The following KRT78 variants were observed in gnomAD, a reference collection of about 807,000 sequenced individuals.
KRT78 encodes keratin, type II cytoskeletal 78.
Under a neutral mutation model 51.4 loss-of-function variants are expected in KRT78, and 55 were observed. That is an observed-to-expected ratio of 1.07 (90% CI 0.86 to 1.34). The LOEUF is 1.34. Ranked by LOEUF, KRT78 falls within the 40% of genes most tolerant of loss-of-function variation. The probability of loss-of-function intolerance (pLI) is 0.00; values close to 1 mark genes in which losing one functional copy is unlikely to be tolerated. For missense variants in KRT78, 652 were observed against 649.4 expected (o/e 1.00, Z -0.04); for synonymous variants, 291 against 264.3 (o/e 1.10, Z -0.98).
At chr12:52,847,460 G>A (rs991732458) in intron 2 of KRT78, among the ~76,000 whole-genome samples, 2 of 152,208 alleles carry the variant, frequency 1.3e-5, no homozygotes, top group Non-Finnish European at 2.9e-5. Context: ...CAGCCCATCT[G>A]TGAATTGTGT....
rs538103029 is a variant in KRT78 at position 52,846,061 on chromosome 12, G to T, written c.756+136C>A. The stretch of plus-strand genomic sequence containing the variant: ...CATAGTAAGTTTTCAGTAATTGGTT[G>T]TCAAGTGACTGAATGACCCAGAATC... On this transcript the variant is annotated intron_variant, in intron 4 of 8. Coordinates refer to ENST00000304620, the MANE Select transcript of KRT78 (RefSeq NM_173352.4). The T allele has an allele frequency of 1.1e-5, 7 of 624,360 alleles. No homozygotes were observed. The South Asian group carries it at 1.2e-4, about 10-fold the overall frequency. 38.7% of individuals were successfully genotyped at this position (624,360 alleles called of 1,614,324 possible).
chr12:52,840,827 C>T (rs73305847), intron 6 of KRT78, among the ~76,000 whole-genome samples: 63 of 152,252 alleles, frequency 4.1e-4, no homozygotes, highest in Admixed American at 4.1e-3. Flanking sequence ...TCTCGCTGCA[C>T]CTTCAGAGGG....
chr12:52,842,779 G>A (rs1486801568), intron 6 of KRT78, among the ~76,000 whole-genome samples: 2 of 151,022 alleles, frequency 1.3e-5, no homozygotes, highest in South Asian at 2.1e-4. Flanking sequence ...TTAGCCGGGT[G>A]TGGTGGCAGG....
At chr12:52,842,959 G>GAGAAAGGAAGGAAGGAAGGA (rs1299063277) in intron 6 of KRT78, among the ~76,000 whole-genome samples, 13 of 53,718 alleles carry the variant, frequency 2.4e-4, no homozygotes, top group African/African-American at 1.3e-3. Context: ...GAGAGAGAGA[G>GAGAAAGGAAGGAAGGAAGGA]AGGAAGGAAG....
intron 6 of KRT78, among the ~76,000 whole-genome samples, chr12:52,841,445 C>CCA (rs1230152783): frequency 1.3e-5 from 2 of 151,378 alleles, no homozygotes; most frequent in African/African-American, 2.4e-5. Context: ...CGAGATCGCG[C>CCA]CACTGCATTC....
intron 5 of KRT78, 22 bp from the exon 6 acceptor site, chr12:52,844,240 C>A: frequency 6.3e-7 from 1 of 1,575,400 alleles, no homozygotes; most frequent in Non-Finnish European, 8.6e-7. Context: ...ACAGAGGGGA[C>A]ACCATTAGTT....
chr12:52,839,733 A>G (rs111548263), intron 7 of KRT78, 31 bp downstream of exon 7: 3 of 1,596,888 alleles, frequency 1.9e-6, no homozygotes, highest in South Asian at 1.1e-5. Flanking sequence ...CCCCAAACTC[A>G]TATTCCCAGG....
At chr12:52,846,653 G>T in intron 3 of KRT78, 111 bp downstream of exon 3, 1 of 995,256 alleles carries the variant, frequency 1.0e-6, no homozygotes, top group Non-Finnish European at 1.6e-6. Flanking sequence ...CAGGTAGAGT[G>T]ATAGCCTGTC....
At chr12:52,846,726 G>A (rs1344221860) in intron 3 of KRT78, 38 bp downstream of exon 3, 2 of 1,581,900 alleles carry the variant, frequency 1.3e-6, no homozygotes, top group Non-Finnish European at 1.7e-6. Context: ...CACAGTGGAT[G>A]CTCAGAACGT....
chr12:52,839,223 C>A lies in KRT78; in HGVS notation c.1453G>T (p.Asp485Tyr), dbSNP rs1480666818. The A allele has an allele frequency of 1.2e-6, 2 of 1,611,922 alleles. No homozygotes were observed. Among genetic ancestry groups the A allele is most frequent in the Admixed American group, 1.7e-5 (1 of 59,592 alleles). The change falls in exon 9 of 9, where the codon GAC becomes TAC. Residue 485 changes from aspartate (D) to tyrosine (Y), a missense_variant. Transcript: ENST00000304620. The part of the protein sequence containing the change: ...GSNIILGSGK[D>Y]PVLDSCSVSG... Reference sequence around the variant, plus strand: ...ACAGAGCAGGAATCCAAAACAGGGTCCTTCCCAGAGCCCAGAATGATGTTG... The same window carrying A: ...ACAGAGCAGGAATCCAAAACAGGGTACTTCCCAGAGCCCAGAATGATGTTG...
rs755318942 is a variant in KRT78, at chr12:52,839,842, T to C, written c.1190A>G (p.Gln397Arg). 3 of 1,614,070 alleles carry C rather than the reference T, an allele frequency of 1.9e-6. No individual in the cohort carries two copies. The highest frequency in any genetic ancestry group is 1.1e-5 in the South Asian group (1 of 91,078). The change falls in exon 7 of 9, where the codon CAG (glutamine) becomes CGG (arginine). Residue 397 changes from glutamine to arginine, a missense_variant. Coordinates refer to ENST00000304620, the MANE Select transcript of KRT78 (RefSeq NM_173352.4). ...QNLARLLCEY[Q>R]ELTSTKLSLD... The stretch of plus-strand genomic sequence containing the variant: ...GGAAAGCTTCGTGCTCGTCAGCTCC[T>C]GGTACTCGCACAGCAGCCGGGCCAG...
At chr12:52,848,397 A>G in intron 1 of KRT78, 150 bp downstream of exon 1, 1 of 1,382,280 alleles carries the variant, frequency 7.2e-7, no homozygotes, top group Non-Finnish European at 9.8e-7. Context: ...AGCCAGAGAG[A>G]GTCCAGTTAG....
chr12:52,838,981 T>G lies in KRT78; in HGVS notation c.*132A>C. Reference sequence around the variant, plus strand: ...ATTCAGAACAGCAGGAGGGGAGACTTTATTGATTTTTGCAGCATCCGCTGT... The same window carrying G: ...ATTCAGAACAGCAGGAGGGGAGACTGTATTGATTTTTGCAGCATCCGCTGT... On this transcript the variant is annotated 3_prime_UTR_variant, in exon 9 of 9. Coordinates refer to ENST00000304620, the MANE Select transcript of KRT78 (RefSeq NM_173352.4). The G allele has an allele frequency of 9.5e-7, 1 of 1,052,460 alleles. No individual in the cohort carries two copies. Among genetic ancestry groups the G allele is most frequent in the Non-Finnish European group, 1.4e-6 (1 of 735,976 alleles). The allele number at this position is 1,052,460 out of a possible 1,614,324, so 65.2% of individuals were successfully genotyped here.
At chr12:52,839,661 T>C in intron 7 of KRT78, 103 bp downstream of exon 7, 1 of 1,341,494 alleles carries the variant, frequency 7.5e-7, no homozygotes. Context: ...ACTCACAATG[T>C]CAGGAAATCT....
chr12:52,844,659 C>T lies in KRT78; in HGVS notation c.821G>A (p.Arg274His), dbSNP rs147260270. 146 of 1,613,986 alleles carry T rather than the reference C, an allele frequency of 9.0e-5. No individual in the cohort carries two copies. The highest frequency in any genetic ancestry group is 5.2e-4 in the South Asian group (47 of 91,072). Residue 274 changes from arginine (R) to histidine (H), a missense_variant, in exon 5 of 9, where the codon CGC (arginine) becomes CAC (histidine). Transcript: ENST00000304620. Reference sequence around the variant, plus strand: ...GATGATGCTGCTGAAGTCCAGGTAGCGGTTGTTGTCCATGGACAGCACCAC... The same window carrying T: ...GATGATGCTGCTGAAGTCCAGGTAGTGGTTGTTGTCCATGGACAGCACCAC... ...TSVVLSMDNN[R>H]YLDFSSIITE...
In KRT78 at chr12:52,848,139, G is replaced by T. The variant is rs1248209219; in HGVS notation, c.385-18C>A. The T allele has an allele frequency of 3.1e-6, 5 of 1,612,134 alleles. No individual in the cohort carries two copies. Among genetic ancestry groups the T allele is most frequent in the Non-Finnish European group, 3.4e-6 (4 of 1,178,884 alleles). ...AACCGCACCTGCAGCAAAAGCAGAG[G>T]ATCCCTGAGGCTCCTGTGGGACTCC... is the stretch of plus-strand genomic sequence containing the variant. On this transcript the variant is annotated intron_variant, in intron 1 of 8. Transcript: ENST00000304620.
chr12:52,848,651 TC>T lies in KRT78; in HGVS notation c.279del (p.Thr94ProfsTer3). The T allele has an allele frequency of 6.2e-7, 1 of 1,613,682 alleles. No individual in the cohort carries two copies. Among genetic ancestry groups the T allele is most frequent in the Non-Finnish European group, 8.5e-7 (1 of 1,179,896 alleles). ...IQEVTINQNLLTPLKIEIDPQ... is the reference protein window; with the variant it reads ...IQEVTINQNLXTPLKIEIDPQ... ...GGATCGATCTCAATCTTCAGTGGGG[TC>T]AGCAGATTCTGGTTGATGGTCACTT... On this transcript the variant is annotated frameshift_variant, in exon 1 of 9. Transcript: ENST00000304620. LOFTEE classifies it high-confidence loss of function.
chr12:52,843,001 G>A (rs1405642439), intron 6 of KRT78, among the ~76,000 whole-genome samples: 3 of 101,786 alleles, frequency 2.9e-5, no homozygotes, highest in Non-Finnish European at 6.0e-5. Context: ...AAGGAAGGAA[G>A]GAAGGAAGGA....
Position 52,848,251 on chromosome 12 carries a change from G to A in KRT78, c.385-130C>T, listed in dbSNP as rs867133083. On this transcript the variant is annotated intron_variant, in intron 1 of 8. Coordinates refer to ENST00000304620, the MANE Select transcript of KRT78 (RefSeq NM_173352.4). ...TGTCCCCCTGCCCAACCTGGGCAGG[G>A]GAAGCCTCATGACCTTCCATGACAC... The A allele has an allele frequency of 5.2e-6, 8 of 1,542,336 alleles. No individual in the cohort carries two copies. In the Middle Eastern group the frequency reaches 8.4e-4, roughly 161 times the overall value.
Sources: gnomAD v4.1 joint callset for allele counts (sites outside exome capture counted in the v4.1 genomes callset) on GRCh38, gnomAD v4.1.1 for gene constraint, MANE v1.5 for transcripts, NCBI Gene and HGNC (gene_info 2026-07-23, HGNC 2026-07-21) for gene names.